TET1: variants seen among roughly 807,000 people sequenced by gnomAD.
The protein encoded by TET1 is tet methylcytosine dioxygenase 1, also known as methylcytosine dioxygenase TET1.
TET1 carries 13 observed loss-of-function variants against 148.7 expected under a neutral mutation model. The ratio of observed to expected loss-of-function variants is 0.09; its 90% CI spans 0.06 to 0.14. The LOEUF (loss-of-function observed/expected upper bound fraction) is 0.14. TET1 is among the 10% of genes least tolerant of loss of function. The pLI is 1.00. For synonymous variants in TET1, 907 were observed against 937.2 expected (o/e 0.97, Z 0.59); for missense variants, 2,182 against 2,553.8 (o/e 0.85, Z 3.14).
chr10:68,615,681 A>G (rs112352682), intron 3 of TET1, among the ~76,000 whole-genome samples: 8,840 of 148,440 alleles, frequency 0.06, 871 homozygotes, highest in African/African-American at 0.21. Context: ...ATTTTGAGAC[A>G]GAGTTTCACT....
At chr10:68,675,662 T>G (rs986385514) in intron 8 of TET1, among the ~76,000 whole-genome samples, 1 of 149,746 alleles carries the variant, frequency 6.7e-6, no homozygotes, top group East Asian at 2.0e-4. Flanking sequence ...TGACCTCAGG[T>G]GATCTGCCTA....
chr10:68,676,455 CT>C (rs1459641811), intron 8 of TET1, among the ~76,000 whole-genome samples: 1 of 149,982 alleles, frequency 6.7e-6, no homozygotes, highest in African/African-American at 2.5e-5. Flanking sequence ...GGCTAATTTT[CT>C]GTATTTTTAG....
rs1453513681 is a variant in TET1 at position 68,574,047 on chromosome 10, G to C, written c.1709G>C (p.Ser570Thr). The change falls in exon 2 of 12, where the codon AGT (serine) becomes ACT (threonine). Residue 570 changes from serine (S) to threonine (T), a missense_variant. Coordinates refer to ENST00000373644, the MANE Select transcript of TET1 (RefSeq NM_030625.3). Reference protein sequence around the residue: ...TVVTMPVPMVSTSSSSYTTLL... With the variant: ...TVVTMPVPMVTTSSSSYTTLL... ...GTGACTATGCCAGTGCCAATGGTCA[G>C]TACCTCCTCTTCTTCCTATACCACT... 6.2e-7 allele frequency: 1 copy of C among 1,614,190 alleles called. No homozygotes were observed. Among genetic ancestry groups the C allele is most frequent in the Non-Finnish European group, 8.5e-7 (1 of 1,180,046 alleles).
intron 2 of TET1, among the ~76,000 whole-genome samples, chr10:68,577,496 AAAAC>A (rs74727125): frequency 0.15 from 23,419 of 151,744 alleles, 1,964 homozygotes; most frequent in South Asian, 0.24. Context: ...CAAAAAACAA[AAAAC>A]AAACAAACAA....
rs773322363 is a variant in TET1, at chr10:68,573,914, G to A, written c.1576G>A (p.Ala526Thr). 7 of 1,614,034 alleles carry A rather than the reference G, an allele frequency of 4.3e-6. No homozygotes were observed. Among genetic ancestry groups the A allele is most frequent in the Non-Finnish European group, 3.4e-6 (4 of 1,180,034 alleles). ...PLAPERGLFHASLGIAQLSQA... is the reference protein window; with the variant it reads ...PLAPERGLFHTSLGIAQLSQA... ...AGCCCCTGAGAGAGGACTCTTCCAT[G>A]CTTCACTGGGTATAGCCCAACTCTC... Residue 526 changes from alanine (A) to threonine (T), a missense_variant, in exon 2 of 12, where the codon GCT becomes ACT. By Grantham distance (58) the Ala-to-Thr change is moderately conservative. Transcript: ENST00000373644.
chr10:68,644,907 T>C lies in TET1; in HGVS notation c.2178T>C (p.Phe726=). The change falls in exon 4 of 12, where the codon TTT becomes TTC. Residue 726 remains phenylalanine (F), a synonymous_variant. Transcript: ENST00000373644. ...SQLTDHVKGD[F]SANVPEAEKS... ...TAACTGATCACGTGAAAGGAGATTT[T>C]AGTGCTAATGTCCCAGAAGCTGAAA... 6.2e-7 allele frequency: 1 copy of C among 1,612,028 alleles called. No homozygotes were observed. Among genetic ancestry groups the C allele is most frequent in the Non-Finnish European group, 8.5e-7 (1 of 1,179,342 alleles).
At chr10:68,676,207 T>C (rs1589129925) in intron 8 of TET1, among the ~76,000 whole-genome samples, 1 of 114,902 alleles carries the variant, frequency 8.7e-6, no homozygotes, top group African/African-American at 2.9e-5. Context: ...TATATATGTA[T>C]ATATATACAC....
intron 2 of TET1, among the ~76,000 whole-genome samples, chr10:68,588,765 T>C (rs1047871351): frequency 2.0e-5 from 3 of 152,066 alleles, no homozygotes; most frequent in African/African-American, 7.2e-5. Flanking sequence ...CCTTTAACTG[T>C]GTTTAACTCT....
chr10:68,563,734 T>C (rs2053578883), intron 1 of TET1, among the ~76,000 whole-genome samples: 1 of 152,222 alleles, frequency 6.6e-6, no homozygotes, highest in East Asian at 1.9e-4. Flanking sequence ...CAGGCTAGAG[T>C]GCAGTGGCAT....
intron 1 of TET1, among the ~76,000 whole-genome samples, chr10:68,561,706 C>T (rs1200610095): frequency 2.0e-5 from 3 of 146,680 alleles, no homozygotes; most frequent in Non-Finnish European, 3.0e-5. Context: ...CTCCCTCCCT[C>T]TCCCCCGCTC....
intron 1 of TET1, among the ~76,000 whole-genome samples, chr10:68,567,546 C>T (rs938922254): frequency 1.3e-5 from 2 of 151,730 alleles, no homozygotes; most frequent in African/African-American, 4.8e-5. Context: ...CACCCGTCTC[C>T]GCCTCCAATA....
At chr10:68,678,500 C>T (rs918654842) in intron 8 of TET1, among the ~76,000 whole-genome samples, 1 of 152,160 alleles carries the variant, frequency 6.6e-6, no homozygotes, top group East Asian at 1.9e-4. Flanking sequence ...CTGTAATCCC[C>T]GTACTTTGGG....
chr10:68,691,248 C>T lies in TET1; in HGVS notation c.5845C>T (p.Pro1949Ser). The change falls in exon 12 of 12, where the codon CCT (proline) becomes TCT (serine). Residue 1949 changes from proline (P) to serine (S), a missense_variant. Physicochemically the swap from Pro to Ser is moderately conservative, Grantham distance 74. Coordinates refer to ENST00000373644, the MANE Select transcript of TET1 (RefSeq NM_030625.3). The surrounding 1 kb of genome is among the most constrained non-coding windows in gnomAD (Gnocchi z 4.4). Reference sequence around the variant, plus strand: ...CCACCAGCCCTCCTTCCTCACCTCTCCTCAAGACCTTGCCTCTTCTCCAAT... The same window carrying T: ...CCACCAGCCCTCCTTCCTCACCTCTTCTCAAGACCTTGCCTCTTCTCCAAT... ...PNHQPSFLTS[P>S]QDLASSPMEE... The T allele has an allele frequency of 1.2e-6, 2 of 1,614,176 alleles. No homozygotes were observed. The highest frequency in any genetic ancestry group is 1.7e-6 in the Non-Finnish European group (2 of 1,180,036).
intron 2 of TET1, among the ~76,000 whole-genome samples, chr10:68,590,944 C>T (rs1437869001): frequency 1.3e-5 from 2 of 152,106 alleles, no homozygotes; most frequent in Non-Finnish European, 2.9e-5. Context: ...CAACCTCCAC[C>T]TCCCAGGTTC....
chr10:68,654,651 A>G (rs147112730), intron 6 of TET1, among the ~76,000 whole-genome samples: 1 of 152,134 alleles, frequency 6.6e-6, no homozygotes, highest in East Asian at 1.9e-4. Flanking sequence ...AATTAAGGAG[A>G]TAATTAATAG....
In TET1 at chr10:68,572,917, C is replaced by T; in HGVS notation, c.579C>T (p.Ser193=). 6.2e-7 allele frequency: 1 copy of T among 1,614,022 alleles called. No homozygotes were observed. The highest frequency in any genetic ancestry group is 8.5e-7 in the Non-Finnish European group (1 of 1,180,018). ...GCCAAGAGACAACTCAGTTTTGGTC[C>T]CAAAGAGTTGAGGATTCCAAGATCA... is the stretch of plus-strand genomic sequence containing the variant. ...GKSQETTQFW[S]QRVEDSKINI... is the part of the protein sequence containing the mutation. The change falls in exon 2 of 12, where the codon TCC becomes TCT. Residue 193 remains serine, a synonymous_variant. Coordinates refer to ENST00000373644, the MANE Select transcript of TET1 (RefSeq NM_030625.3).
chr10:68,661,741 T>C (rs2133155572), intron 6 of TET1, among the ~76,000 whole-genome samples: 1 of 152,054 alleles, frequency 6.6e-6, no homozygotes, highest in Admixed American at 6.6e-5. Context: ...TACCTTGGCC[T>C]CTCAATGTGT....
chr10:68,673,545 A>G, intron 8 of TET1: 1 of 231,972 alleles, frequency 4.3e-6, no homozygotes, highest in Non-Finnish European at 8.8e-6. Context: ...ATACTTATAT[A>G]TTATATTAAA....
At chr10:68,565,475 A>AATATATAT (rs71019031) in intron 1 of TET1, among the ~76,000 whole-genome samples, 14 of 129,222 alleles carry the variant, frequency 1.1e-4, no homozygotes, top group Admixed American at 2.5e-4. Context: ...AAAAAAAAAA[A>AATATATAT]ATATATATAT....
Sources: gnomAD v4.1 joint callset for allele counts (sites outside exome capture counted in the v4.1 genomes callset) on GRCh38, gnomAD v4.1.1 for gene constraint, Gnocchi (gnomAD v3.1) non-coding constraint, MANE v1.5 for transcripts, NCBI Gene and HGNC (gene_info 2026-07-23, HGNC 2026-07-21) for gene names.